UBE4B: variants seen among roughly 807,000 people sequenced by gnomAD.
UBE4B encodes the protein ubiquitin conjugation factor E4 B.
UBE4B carries 27 observed loss-of-function variants against 148.1 expected under a neutral mutation model. That is an observed-to-expected ratio of 0.18 (90% CI 0.13 to 0.25). The LOEUF (loss-of-function observed/expected upper bound fraction) is 0.25. Among genes scored for constraint, UBE4B ranks in the 10% least tolerant of loss-of-function variants. The probability of loss-of-function intolerance (pLI) is 1.00; values close to 1 mark genes in which losing one functional copy is unlikely to be tolerated. For missense variants in UBE4B, 1,170 were observed against 1,662.4 expected (o/e 0.70, Z 5.15); for synonymous variants, 596 against 619.3 (o/e 0.96, Z 0.56).
chr1:10,157,757 C>CA (rs1646097722), intron 21 of UBE4B, among the ~76,000 whole-genome samples: 2 of 152,084 alleles, frequency 1.3e-5, no homozygotes, highest in Admixed American at 1.3e-4. Context: ...AGCCTGGCGA[C>CA]AGAGCGGGAC....
chr1:10,106,357 C>T lies in UBE4B; in HGVS notation c.970C>T (p.Gln324Ter), dbSNP rs368465936. 12 of 1,613,784 alleles carry T rather than the reference C, an allele frequency of 7.4e-6. No homozygotes were observed. Among genetic ancestry groups the T allele is most frequent in the Non-Finnish European group, 1.0e-5 (12 of 1,179,838 alleles). The change falls in exon 7 of 28, where the codon CAG (glutamine) becomes TAG (stop). Residue 324 changes from glutamine (Q) to a stop codon, truncating the protein, a stop_gained. Coordinates refer to ENST00000343090, the MANE Select transcript of UBE4B (RefSeq NM_001105562.3). LOFTEE classifies it high-confidence loss of function. This position sits in a 1 kb window ranked among gnomAD's most constrained non-coding sequence, Gnocchi z 4.2. ...SAASGTAAGS[Q>*]PSSPRYRPYT... ...AGCCTCTGGAACTGCTGCGGGAAGCCAGCCTTCATCCCCGCGGTATCGCCC... is the reference window on the plus strand; with the variant it reads ...AGCCTCTGGAACTGCTGCGGGAAGCTAGCCTTCATCCCCGCGGTATCGCCC...
intron 14 of UBE4B, among the ~76,000 whole-genome samples, chr1:10,131,793 TA>T (rs1263665301): frequency 6.6e-6 from 1 of 151,312 alleles, no homozygotes; most frequent in Non-Finnish European, 1.5e-5. Context: ...TCTACTAAAA[TA>T]CAAAAAAAAT....
chr1:10,177,255 C>A (rs1646441767), intron 25 of UBE4B, among the ~76,000 whole-genome samples: 1 of 151,956 alleles, frequency 6.6e-6, no homozygotes, highest in Non-Finnish European at 1.5e-5. Flanking sequence ...CACAGTGGCT[C>A]ACGCCTGTAA....
intron 1 of UBE4B, among the ~76,000 whole-genome samples, chr1:10,055,370 A>G (rs865800569): frequency 3.3e-5 from 5 of 151,210 alleles, no homozygotes; most frequent in Middle Eastern, 3.4e-3. Context: ...GCTGGAGTGC[A>G]CTGGCAGCAT....
chr1:10,073,803 A>G (rs1297515211), intron 2 of UBE4B, among the ~76,000 whole-genome samples: 2 of 151,542 alleles, frequency 1.3e-5, no homozygotes, highest in East Asian at 1.9e-4. Flanking sequence ...CTGTTGCACC[A>G]TGCTTCCCAG....
chr1:10,099,553 G>C (rs1049931458), intron 3 of UBE4B, among the ~76,000 whole-genome samples: 2 of 152,110 alleles, frequency 1.3e-5, no homozygotes, highest in African/African-American at 4.8e-5. Context: ...TCCCCAAGTT[G>C]ATCTCTAAGA....
intron 23 of UBE4B, among the ~76,000 whole-genome samples, chr1:10,162,021 G>A (rs543730522): frequency 2.1e-5 from 3 of 141,140 alleles, no homozygotes; most frequent in Non-Finnish European, 3.1e-5. Flanking sequence ...TTTTTGAGAC[G>A]GAGTTTCACT....
intron 2 of UBE4B, among the ~76,000 whole-genome samples, chr1:10,075,330 C>T (rs1291093550): frequency 1.3e-5 from 2 of 152,178 alleles, no homozygotes; most frequent in African/African-American, 4.8e-5. Flanking sequence ...AGATTCTCAC[C>T]ACCTGTTTCT....
chr1:10,065,004 T>A (rs1037423590), intron 1 of UBE4B, among the ~76,000 whole-genome samples: 1 of 152,134 alleles, frequency 6.6e-6, no homozygotes, highest in Admixed American at 6.6e-5. Flanking sequence ...CCTCAAGTGA[T>A]CCACCCGCCT....
intron 3 of UBE4B, 76 bp downstream of exon 3, chr1:10,095,672 C>T: frequency 6.4e-7 from 1 of 1,570,804 alleles, no homozygotes; most frequent in South Asian, 1.2e-5. Flanking sequence ...AGCCTCTAGT[C>T]CATAGTCAGA....
At chr1:10,041,641 A>G (rs750626552) in intron 1 of UBE4B, among the ~76,000 whole-genome samples, 1 of 151,796 alleles carries the variant, frequency 6.6e-6, no homozygotes, top group African/African-American at 2.4e-5. Context: ...GGCCACATTT[A>G]TAGCATTCTT....
Position 10,130,532 on chromosome 1 carries a change from C to G in UBE4B, c.1728C>G (p.Ser576=). The change falls in exon 13 of 28, where the codon TCC becomes TCG. Residue 576 remains serine, a synonymous_variant. Transcript: ENST00000343090. Reference sequence around the variant, plus strand: ...CTTTGCGGTTGTGGTTGCCGAAATCCTTAAGTCCTGGCTGTGGGCGGGAGC... The same window carrying G: ...CTTTGCGGTTGTGGTTGCCGAAATCGTTAAGTCCTGGCTGTGGGCGGGAGC... ...VASLRLWLPK[S]LSPGCGRELQ... is the part of the protein sequence containing the mutation. 6.2e-7 allele frequency: 1 copy of G among 1,614,142 alleles called. No individual in the cohort carries two copies. The highest frequency in any genetic ancestry group is 8.5e-7 in the Non-Finnish European group (1 of 1,180,032).
chr1:10,101,498 C>CTTTT (rs34066776), intron 4 of UBE4B, among the ~76,000 whole-genome samples: 6 of 56,178 alleles, frequency 1.1e-4, no homozygotes, highest in Admixed American at 2.4e-4. Context: ...TGGTCTTTTG[C>CTTTT]TTTTTTTTTT....
At chr1:10,164,016 C>G (rs1279533689) in intron 23 of UBE4B, among the ~76,000 whole-genome samples, 1 of 151,630 alleles carries the variant, frequency 6.6e-6, no homozygotes, top group Non-Finnish European at 1.5e-5. Context: ...CATGAGCCAC[C>G]ATGCCCAGCC....
intron 1 of UBE4B, among the ~76,000 whole-genome samples, chr1:10,049,025 A>G (rs1385649575): frequency 1.3e-5 from 2 of 152,212 alleles, no homozygotes; most frequent in African/African-American, 2.4e-5. Context: ...CATTCCTAGC[A>G]TGAGGTTTTG....
intron 1 of UBE4B, among the ~76,000 whole-genome samples, chr1:10,063,663 G>T (rs757779685): frequency 6.6e-6 from 1 of 152,080 alleles, no homozygotes; most frequent in Non-Finnish European, 1.5e-5. Flanking sequence ...CCAACACTTT[G>T]GGAGGCCAAG....
intron 25 of UBE4B, among the ~76,000 whole-genome samples, chr1:10,174,952 G>A (rs1183792312): frequency 6.6e-6 from 1 of 152,112 alleles, no homozygotes; most frequent in Non-Finnish European, 1.5e-5. Flanking sequence ...GTTTGCTTTG[G>A]TATGTCTTAG....
At chr1:10,141,621 G>A (rs1033127326) in intron 17 of UBE4B, among the ~76,000 whole-genome samples, 1 of 152,068 alleles carries the variant, frequency 6.6e-6, no homozygotes, top group African/African-American at 2.4e-5. Context: ...CTTCAAATAT[G>A]TGCTTCTGTT....
At chr1:10,043,031 A>G (rs1450448967) in intron 1 of UBE4B, among the ~76,000 whole-genome samples, 3 of 149,238 alleles carry the variant, frequency 2.0e-5, no homozygotes, top group Non-Finnish European at 4.4e-5. Context: ...ATTTTTTGAG[A>G]CAGAGTTTTA....
Sources: allele counts gnomAD v4.1 joint callset (sites outside exome capture counted in the v4.1 genomes callset), GRCh38; gene constraint gnomAD v4.1.1; non-coding constraint Gnocchi (gnomAD v3.1); transcripts MANE v1.5; gene names NCBI Gene and HGNC (gene_info 2026-07-23, HGNC 2026-07-21).